The following OSBPL9 variants were observed in gnomAD, a reference collection of about 807,000 sequenced individuals.
The protein encoded by OSBPL9 is oxysterol-binding protein-related protein 9.
Under a neutral mutation model 106.6 loss-of-function variants are expected in OSBPL9, and 40 were observed. That is an observed-to-expected ratio of 0.38 (90% CI 0.29 to 0.49). OSBPL9 has a LOEUF of 0.49. Ranked by LOEUF, OSBPL9 falls within the 20% of genes least tolerant of loss-of-function variation. OSBPL9 has a pLI of 0.97. For missense variants in OSBPL9, 609 were observed against 887.2 expected (o/e 0.69, Z 3.98); for synonymous variants, 269 against 295.4 (o/e 0.91, Z 0.92).
Position 51,760,759 on chromosome 1 carries a change from T to C in OSBPL9, c.652T>C (p.Ser218Pro), listed in dbSNP as rs1671315404. ...GGAACCTGTGATCAGCACAATGCCT[T>C]CCCAGACTGTGTTACCTCCAGGTAA... The part of the protein sequence containing the change: ...PLEPVISTMP[S>P]QTVLPPEPVQ... The change falls in exon 10 of 24, where the codon TCC becomes CCC. Residue 218 changes from serine (S) to proline (P), a missense_variant. By Grantham distance (74) the Ser-to-Pro change is moderately conservative. Transcript: ENST00000428468. 2 of 1,613,744 alleles carry C rather than the reference T, an allele frequency of 1.2e-6. No homozygotes were observed. The highest frequency in any genetic ancestry group is 1.1e-5 in the South Asian group (1 of 91,068).
intron 3 of OSBPL9, among the ~76,000 whole-genome samples, chr1:51,702,515 T>G (rs1657515468): frequency 6.6e-6 from 1 of 152,220 alleles, no homozygotes; most frequent in Non-Finnish European, 1.5e-5. Flanking sequence ...TGTAAATTTG[T>G]TTGAGTTCAT....
At chr1:51,593,904 T>TCTCACACACACA (rs1553148791) in intron 1 of OSBPL9, among the ~76,000 whole-genome samples, 6 of 140,102 alleles carry the variant, frequency 4.3e-5, no homozygotes, top group Non-Finnish European at 9.3e-5. Context: ...TAATCAGATT[T>TCTCACACACACA]CACACACACA....
chr1:51,763,191 A>G (rs1473789870), intron 11 of OSBPL9, among the ~76,000 whole-genome samples: 1 of 151,958 alleles, frequency 6.6e-6, no homozygotes, highest in Non-Finnish European at 1.5e-5. Flanking sequence ...TTTTTAGTAG[A>G]GACGGCATTT....
At chr1:51,616,027 T>G (rs77929513), upstream of OSBPL9, among the ~76,000 whole-genome samples, 21,341 of 147,392 alleles carry the variant, frequency 0.14, 1,793 homozygotes, top group Middle Eastern at 0.24. Context: ...TTTTTTTTTT[T>G]TGTGTGAGAG....
chr1:51,636,992 C>A (rs1473801824), intron 1 of OSBPL9, among the ~76,000 whole-genome samples: 1 of 152,062 alleles, frequency 6.6e-6, no homozygotes, highest in East Asian at 1.9e-4. Flanking sequence ...CCTCTGAATT[C>A]AGAAAGATCA....
chr1:51,737,713 G>A (rs538533120), intron 4 of OSBPL9, among the ~76,000 whole-genome samples: 1 of 152,104 alleles, frequency 6.6e-6, no homozygotes, highest in East Asian at 1.9e-4. Flanking sequence ...TTGAATTCCA[G>A]TGTCTTTTAT....
At chr1:51,715,864 A>G (rs1389209758) in intron 4 of OSBPL9, among the ~76,000 whole-genome samples, 2 of 151,986 alleles carry the variant, frequency 1.3e-5, no homozygotes, top group Admixed American at 1.3e-4. Flanking sequence ...TTTAGAACTG[A>G]CCTCTTCTAT....
At chr1:51,620,203 G>C (rs1284969933) in intron 1 of OSBPL9, among the ~76,000 whole-genome samples, 2 of 152,150 alleles carry the variant, frequency 1.3e-5, no homozygotes, top group African/African-American at 4.8e-5. Context: ...GCAACCAATT[G>C]TTTATGTGGC....
chr1:51,624,358 C>T (rs1449712974), intron 1 of OSBPL9, among the ~76,000 whole-genome samples: 1 of 151,936 alleles, frequency 6.6e-6, no homozygotes, highest in East Asian at 1.9e-4. Context: ...GGAGTCGAGG[C>T]AGGTGGGTCA....
At chr1:51,698,375 GA>G (rs1656518711) in intron 3 of OSBPL9, among the ~76,000 whole-genome samples, 1 of 152,136 alleles carries the variant, frequency 6.6e-6, no homozygotes, top group Non-Finnish European at 1.5e-5. Flanking sequence ...TTAAAAAAAT[GA>G]ATTACAACAG....
chr1:51,738,150 G>C (rs1165511149), intron 4 of OSBPL9, among the ~76,000 whole-genome samples: 1 of 152,036 alleles, frequency 6.6e-6, no homozygotes, highest in Non-Finnish European at 1.5e-5. Flanking sequence ...ACGAATTCCA[G>C]ACCTTTATTG....
the OSBPL9 span, chr1:51,561,878 A>G: frequency 6.6e-6 from 1 of 152,210 alleles, no homozygotes; most frequent in Non-Finnish European, 1.5e-5. Flanking sequence ...CTCTGAGCTC[A>G]GAGGGCTTTA....
chr1:51,711,962 C>T (rs1334734911), intron 3 of OSBPL9, among the ~76,000 whole-genome samples: 5 of 151,884 alleles, frequency 3.3e-5, no homozygotes, highest in Non-Finnish European at 7.4e-5. Context: ...CCTCACATCC[C>T]AGACGATGGG....
At chr1:51,655,092 A>G (rs1038413356) in intron 2 of OSBPL9, among the ~76,000 whole-genome samples, 3 of 152,154 alleles carry the variant, frequency 2.0e-5, no homozygotes, top group African/African-American at 7.2e-5. Context: ...TCATGTTAGT[A>G]TGTTTTACCA....
intron 6 of OSBPL9, among the ~76,000 whole-genome samples, chr1:51,747,026 T>C (rs1343672731): frequency 1.3e-5 from 2 of 152,104 alleles, no homozygotes; most frequent in African/African-American, 4.8e-5. Flanking sequence ...CTGGAGTGCA[T>C]TGGCACGATC....
intron 15 of OSBPL9, among the ~76,000 whole-genome samples, chr1:51,780,471 C>G (rs1217462149): frequency 6.6e-6 from 1 of 152,106 alleles, no homozygotes; most frequent in African/African-American, 2.4e-5. Context: ...AGCCCAAATG[C>G]CCATCAATCA....
At chr1:51,740,861 C>T (rs180766373) in intron 4 of OSBPL9, among the ~76,000 whole-genome samples, 34 of 152,284 alleles carry the variant, frequency 2.2e-4, no homozygotes, top group Non-Finnish European at 4.6e-4. Flanking sequence ...TACTCTTCCT[C>T]TGTCAGCAGG....
At chr1:51,532,352 A>T in the OSBPL9 span, among the ~76,000 whole-genome samples, 1 of 152,182 alleles carries the variant, frequency 6.6e-6, no homozygotes, top group Non-Finnish European at 1.5e-5. Flanking sequence ...CACTGATGAT[A>T]CAAGCAAGAG....
At chr1:51,617,034 C>T, upstream of OSBPL9, 1 of 1,335,796 alleles carries the variant, frequency 7.5e-7, no homozygotes. Flanking sequence ...CCGCCCCCTG[C>T]GGCCCCGCCC....
Sources: allele counts gnomAD v4.1 joint callset (sites outside exome capture counted in the v4.1 genomes callset), GRCh38; gene constraint gnomAD v4.1.1; transcripts MANE v1.5; gene names NCBI Gene and HGNC (gene_info 2026-07-23, HGNC 2026-07-21).